SAMD12: variants seen among roughly 807,000 people sequenced by gnomAD.
The protein encoded by SAMD12 is sterile alpha motif domain containing 12.
A neutral mutation model predicts 15.0 loss-of-function variants in SAMD12; 9 were observed. The ratio of observed to expected loss-of-function variants is 0.60; its 90% CI spans 0.36 to 1.05. The LOEUF (loss-of-function observed/expected upper bound fraction) is 1.05. SAMD12 is among the 50% of genes least tolerant of loss of function. The pLI is 0.01. For synonymous variants in SAMD12, 86 were observed against 90.1 expected (o/e 0.96, Z 0.25); for missense variants, 230 against 234.2 (o/e 0.98, Z 0.12).
At chr8:118,326,505 G>A (rs961130212) in intron 4 of SAMD12, among the ~76,000 whole-genome samples, 9 of 152,082 alleles carry the variant, frequency 5.9e-5, no homozygotes, top group African/African-American at 2.2e-4. Context: ...CCAAGAACAG[G>A]GAAAGAGAGC....
intron 4 of SAMD12, among the ~76,000 whole-genome samples, chr8:118,314,987 T>C (rs1815818793): frequency 2.0e-5 from 3 of 152,260 alleles, no homozygotes; most frequent in South Asian, 2.1e-4. Context: ...TTCTGCCTTA[T>C]GCAGTAAGTA....
chr8:118,587,445 C>T (rs1827481350), intron 1 of SAMD12, among the ~76,000 whole-genome samples: 1 of 152,182 alleles, frequency 6.6e-6, no homozygotes, highest in Admixed American at 6.5e-5. Flanking sequence ...TCATTTTTGC[C>T]ACCTACTGAA....
intron 4 of SAMD12, among the ~76,000 whole-genome samples, chr8:118,260,415 T>C (rs1813050207): frequency 6.6e-6 from 1 of 152,130 alleles, no homozygotes; most frequent in African/African-American, 2.4e-5. Context: ...TAAATATCAG[T>C]ATGTTAATTA....
At chr8:118,186,227 A>G (rs1161592819), downstream of SAMD12, among the ~76,000 whole-genome samples, 2 of 152,172 alleles carry the variant, frequency 1.3e-5, no homozygotes, top group Non-Finnish European at 2.9e-5. Flanking sequence ...TCTCTCCCCA[A>G]CCCCAACATC....
At chr8:118,441,516 A>C (rs1039698078) in intron 2 of SAMD12, among the ~76,000 whole-genome samples, 2 of 152,144 alleles carry the variant, frequency 1.3e-5, no homozygotes, top group African/African-American at 4.8e-5. Context: ...TTTCAAAATA[A>C]TCACAATGCT....
intron 4 of SAMD12, among the ~76,000 whole-genome samples, chr8:118,303,532 G>C (rs558819485): frequency 8.5e-5 from 13 of 152,270 alleles, no homozygotes; most frequent in Non-Finnish European, 1.8e-4. Context: ...AGAATTCTAC[G>C]ATTGACAAAA....
chr8:118,202,771 T>A (rs1340365075), intron 4 of SAMD12, among the ~76,000 whole-genome samples: 1 of 152,032 alleles, frequency 6.6e-6, no homozygotes, highest in Non-Finnish European at 1.5e-5. Flanking sequence ...GTGTAATGAG[T>A]TCAAGGCCTT....
chr8:118,187,846 G>C (rs1384409493), downstream of SAMD12, among the ~76,000 whole-genome samples: 1 of 152,176 alleles, frequency 6.6e-6, no homozygotes, highest in Non-Finnish European at 1.5e-5. Flanking sequence ...GCTAGGCTCA[G>C]TAGGCAGAAG....
chr8:118,244,787 G>A (rs1812649034), intron 4 of SAMD12, among the ~76,000 whole-genome samples: 1 of 152,060 alleles, frequency 6.6e-6, no homozygotes, highest in African/African-American at 2.4e-5. Context: ...CAGAAGGAAA[G>A]TAGAGCGAAA....
chr8:118,600,841 C>T (rs185763733), intron 1 of SAMD12, among the ~76,000 whole-genome samples: 86 of 152,098 alleles, frequency 5.7e-4, no homozygotes, highest in African/African-American at 2.0e-3. Flanking sequence ...TATCACACTC[C>T]TTTGCTTTAA....
At chr8:118,285,557 C>T (rs1004439203) in intron 4 of SAMD12, among the ~76,000 whole-genome samples, 5 of 152,212 alleles carry the variant, frequency 3.3e-5, no homozygotes, top group African/African-American at 9.6e-5. Context: ...AATGAACGCC[C>T]ACTATTGTGC....
At chr8:118,485,778 A>G (rs760992315) in intron 2 of SAMD12, among the ~76,000 whole-genome samples, 1 of 152,234 alleles carries the variant, frequency 6.6e-6, no homozygotes, top group African/African-American at 2.4e-5. Context: ...TAACAAAATC[A>G]TTACAATTAC....
At chr8:118,249,141 G>A (rs1812763435) in intron 4 of SAMD12, among the ~76,000 whole-genome samples, 1 of 152,062 alleles carries the variant, frequency 6.6e-6, no homozygotes, top group Admixed American at 6.6e-5. Flanking sequence ...CTTCATTTAT[G>A]TGGATTCAAT....
chr8:118,252,933 G>A (rs1425112098), intron 4 of SAMD12, among the ~76,000 whole-genome samples: 1 of 152,186 alleles, frequency 6.6e-6, no homozygotes, highest in Non-Finnish European at 1.5e-5. Flanking sequence ...TTCCTGCTGA[G>A]TATGGCAGTG....
intron 3 of SAMD12, among the ~76,000 whole-genome samples, chr8:118,420,522 A>C (rs1821947188): frequency 1.3e-5 from 2 of 152,204 alleles, no homozygotes; most frequent in Non-Finnish European, 2.9e-5. Context: ...ATTCATGCAC[A>C]ATGTATTTTA....
intron 4 of SAMD12, among the ~76,000 whole-genome samples, chr8:118,251,493 G>A (rs1369328537): frequency 6.6e-6 from 1 of 151,960 alleles, no homozygotes; most frequent in Admixed American, 6.6e-5. Context: ...GTCTTTTTAC[G>A]CCCCCACCTT....
At chr8:118,480,071 T>C (rs913321415) in intron 2 of SAMD12, among the ~76,000 whole-genome samples, 1 of 152,176 alleles carries the variant, frequency 6.6e-6, no homozygotes, top group Non-Finnish European at 1.5e-5. Context: ...TTTGGAAAAC[T>C]TCAGCATTAG....
intron 4 of SAMD12, among the ~76,000 whole-genome samples, chr8:118,301,736 G>A (rs1434668316): frequency 6.6e-6 from 1 of 152,176 alleles, no homozygotes; most frequent in Non-Finnish European, 1.5e-5. Context: ...GAACAGAAGT[G>A]ATCCATATGG....
intron 2 of SAMD12, among the ~76,000 whole-genome samples, chr8:118,518,419 T>C (rs1825302072): frequency 6.6e-6 from 1 of 152,240 alleles, no homozygotes; most frequent in Non-Finnish European, 1.5e-5. Flanking sequence ...ATGGGGCCAA[T>C]ATTTGTATTT....
Sources: gnomAD v4.1 joint callset for allele counts (sites outside exome capture counted in the v4.1 genomes callset) on GRCh38, gnomAD v4.1.1 for gene constraint, MANE v1.5 for transcripts, NCBI Gene and HGNC (gene_info 2026-07-23, HGNC 2026-07-21) for gene names.